Variants in AKAP6 observed in about 807,000 individuals in gnomAD.
AKAP6 encodes A-kinase anchor protein 6.
A neutral mutation model predicts 188.5 loss-of-function variants in AKAP6; 58 were observed. The ratio of observed to expected loss-of-function variants is 0.31; its 90% confidence interval spans 0.25 to 0.38. The LOEUF (loss-of-function observed/expected upper bound fraction) is 0.38. AKAP6 is among the 10% of genes least tolerant of loss of function. The probability of loss-of-function intolerance (pLI) is 1.00; values close to 1 mark genes in which losing one functional copy is unlikely to be tolerated. For missense variants in AKAP6, 2,710 were observed against 2,740.0 expected (o/e 0.99, Z 0.24); for synonymous variants, 989 against 998.6 (o/e 0.99, Z 0.18).
intron 2 of AKAP6, among the ~76,000 whole-genome samples, chr14:32,483,648 C>A (rs887510268): frequency 6.6e-6 from 1 of 152,022 alleles, no homozygotes; most frequent in African/African-American, 2.4e-5. Flanking sequence ...CCACTCCCAG[C>A]TAATTTTGTA....
intron 7 of AKAP6, among the ~76,000 whole-genome samples, chr14:32,651,942 T>A (rs1011927727): frequency 2.6e-5 from 4 of 152,118 alleles, no homozygotes; most frequent in African/African-American, 9.7e-5. Context: ...CTGCCACCCT[T>A]TGGCTGTGGA....
At chr14:32,776,408 A>G (rs2033065580) in intron 12 of AKAP6, among the ~76,000 whole-genome samples, 1 of 152,140 alleles carries the variant, frequency 6.6e-6, no homozygotes, top group South Asian at 2.1e-4. Flanking sequence ...GCCATGTAAG[A>G]TGTGCCTTTT....
chr14:32,568,053 AAG>A lies in AKAP6; in HGVS notation c.2347-9065_2347-9064del, dbSNP rs531678248. 7.5e-3 allele frequency among the ~76,000 whole-genome samples: 1,139 copies of A among 152,280 alleles called. 17 individuals are homozygous for A. Among genetic ancestry groups the A allele is most frequent in the Non-Finnish European group, 0.01 (689 of 68,018 alleles). Reference sequence around the variant, plus strand: ...ACAACAATAGTCAAGGAAGAAAGAAAAGAAAGGCTGAAAAGAGAGAGCACAGA... The same window carrying A: ...ACAACAATAGTCAAGGAAGAAAGAAAAAAGGCTGAAAAGAGAGAGCACAGA... On this transcript the variant is annotated intron_variant, in intron 4 of 13. Transcript: ENST00000280979. This position sits in a 1 kb window ranked among gnomAD's most constrained non-coding sequence, Gnocchi z 6.2.
intron 1 of AKAP6, among the ~76,000 whole-genome samples, chr14:32,336,798 A>C (rs1018645401): frequency 6.6e-6 from 1 of 151,748 alleles, no homozygotes; most frequent in Non-Finnish European, 1.5e-5. Context: ...GTTTGTTACT[A>C]CTCCACCTCG....
intron 12 of AKAP6, among the ~76,000 whole-genome samples, chr14:32,816,316 C>T (rs913308651): frequency 4.6e-5 from 7 of 152,146 alleles, no homozygotes; most frequent in African/African-American, 1.2e-4. Context: ...CCTCAGCCTC[C>T]AGAGTAGCTA....
intron 5 of AKAP6, among the ~76,000 whole-genome samples, chr14:32,594,644 G>A (rs1435231121): frequency 6.6e-6 from 1 of 152,174 alleles, no homozygotes; most frequent in Non-Finnish European, 1.5e-5. Flanking sequence ...AATGGAGAGT[G>A]GTTCTGGGCA....
At chr14:32,425,535 G>A (rs963273448) in intron 1 of AKAP6, among the ~76,000 whole-genome samples, 3 of 151,886 alleles carry the variant, frequency 2.0e-5, no homozygotes, top group African/African-American at 7.3e-5. Flanking sequence ...GGTGCAGTGA[G>A]CTGAGATTGT....
intron 2 of AKAP6, among the ~76,000 whole-genome samples, chr14:32,531,177 G>A (rs548938005): frequency 3.9e-5 from 6 of 152,160 alleles, no homozygotes; most frequent in African/African-American, 1.2e-4. Context: ...CAATGTAGAG[G>A]GTCACTTTCC....
At chr14:32,687,412 CT>C (rs1889974783) in intron 8 of AKAP6, among the ~76,000 whole-genome samples, 2 of 137,584 alleles carry the variant, frequency 1.5e-5, no homozygotes, top group Non-Finnish European at 3.0e-5. Flanking sequence ...CTCTCTCTCT[CT>C]CTCTCTCTCT....
chr14:32,578,715 C>T (rs1884837632), intron 5 of AKAP6, among the ~76,000 whole-genome samples: 1 of 152,076 alleles, frequency 6.6e-6, no homozygotes, highest in Admixed American at 6.6e-5. Context: ...TTATGGAAAA[C>T]ACACATTTAG....
At chr14:32,455,359 C>T (rs1891117588) in intron 2 of AKAP6, among the ~76,000 whole-genome samples, 1 of 152,122 alleles carries the variant, frequency 6.6e-6, no homozygotes, top group Admixed American at 6.5e-5. Context: ...TCAGATTTCT[C>T]TTTTGCTATA....
intron 12 of AKAP6, among the ~76,000 whole-genome samples, chr14:32,797,474 G>A (rs1394606625): frequency 1.3e-5 from 2 of 152,182 alleles, no homozygotes; most frequent in African/African-American, 4.8e-5. Context: ...GATATGGATG[G>A]AGTTGAAAGC....
At chr14:32,690,121 G>C (rs1057033718) in intron 8 of AKAP6, among the ~76,000 whole-genome samples, 1 of 87,732 alleles carries the variant, frequency 1.1e-5, no homozygotes, top group African/African-American at 4.7e-5. Context: ...ACACACACAC[G>C]ATTACTCAGC....
intron 2 of AKAP6, among the ~76,000 whole-genome samples, chr14:32,535,282 C>A (rs1882621944): frequency 6.6e-6 from 1 of 152,130 alleles, no homozygotes; most frequent in Non-Finnish European, 1.5e-5. Flanking sequence ...GCACCTCTCA[C>A]CTTGGCTGAC....
At chr14:32,599,203 G>A (rs1217893958) in intron 5 of AKAP6, among the ~76,000 whole-genome samples, 1 of 152,116 alleles carries the variant, frequency 6.6e-6, no homozygotes, top group Non-Finnish European at 1.5e-5. Flanking sequence ...TTTGTCAGCT[G>A]TTTCCAAACA....
chr14:32,337,198 C>T (rs1396287864), intron 1 of AKAP6, among the ~76,000 whole-genome samples: 3 of 151,994 alleles, frequency 2.0e-5, no homozygotes, highest in African/African-American at 2.4e-5. Context: ...TGAAAACAGG[C>T]GTGCAAGTAC....
At chr14:32,552,623 A>T (rs1883526122) in intron 4 of AKAP6, among the ~76,000 whole-genome samples, 1 of 152,226 alleles carries the variant, frequency 6.6e-6, no homozygotes, top group Non-Finnish European at 1.5e-5. Context: ...GTGAAAGTAG[A>T]TATAGGTGAT....
At chr14:32,693,697 A>G (rs555799605) in intron 8 of AKAP6, 1 of 152,138 alleles carries the variant, frequency 6.6e-6, no homozygotes, top group South Asian at 2.1e-4. Context: ...TTATTCTCCA[A>G]ATCCTCTGAC....
chr14:32,720,407 A>G (rs2030469829), intron 9 of AKAP6, among the ~76,000 whole-genome samples: 1 of 152,154 alleles, frequency 6.6e-6, no homozygotes. Context: ...TTTCATTATC[A>G]TAGTTAACTT....
Sources: allele counts gnomAD v4.1 joint callset (sites outside exome capture counted in the v4.1 genomes callset), GRCh38; gene constraint gnomAD v4.1.1; non-coding constraint Gnocchi (gnomAD v3.1); transcripts MANE v1.5; gene names NCBI Gene and HGNC (gene_info 2026-07-23, HGNC 2026-07-21).